ZNF721: variants seen among roughly 807,000 people sequenced by gnomAD.
ZNF721 encodes zinc finger protein 721.
In ZNF721, 2 loss-of-function variants were observed where a neutral mutation model predicts 2.4. The ratio of observed to expected loss-of-function variants is 0.82; its 90% CI spans 0.34 to 2.58. The LOEUF is 2.58. Ranked by LOEUF, ZNF721 falls within the 30% of genes most tolerant of loss-of-function variation. ZNF721 has a pLI of 0.11. For missense variants in ZNF721, 1,187 were observed against 1,085.5 expected, an observed-to-expected ratio of 1.09 and a Z score of -1.31; for synonymous variants, 398 against 381.8, an observed-to-expected ratio of 1.04 and a Z score of -0.50.
In ZNF721 at chr4:472,711, C is replaced by A. The variant is rs1715475833; in HGVS notation, c.-93-10G>T. 1.1e-5 allele frequency: 18 copies of A among 1,611,470 alleles called. No individual in the cohort carries two copies. The highest frequency in any genetic ancestry group is 1.5e-5 in the Non-Finnish European group (18 of 1,179,502). ...TGAATGTTAAGGGTTCCTGAAAATACATATGTATCAAGTGACAGAGTTCTT... is the reference window on the plus strand; with the variant it reads ...TGAATGTTAAGGGTTCCTGAAAATAAATATGTATCAAGTGACAGAGTTCTT... On this transcript the variant is annotated splice_polypyrimidine_tract_variant and intron_variant, in intron 1 of 2. Coordinates refer to ENST00000511833, the MANE Select transcript of ZNF721 (RefSeq NM_133474.4).
chr4:473,312 T>A (rs1553868039), intron 1 of ZNF721, among the ~76,000 whole-genome samples: 1 of 152,144 alleles, frequency 6.6e-6, no homozygotes, highest in Non-Finnish European at 1.5e-5. Flanking sequence ...GGACCCATTA[T>A]AGTACTACTC....
At chr4:464,614 G>C (rs573116401) in intron 2 of ZNF721, among the ~76,000 whole-genome samples, 4 of 152,158 alleles carry the variant, frequency 2.6e-5, no homozygotes, top group Admixed American at 2.6e-4. Flanking sequence ...GACATAAATA[G>C]TGTGTTGAAG....
At chr4:476,914 C>T (rs1353610240) in intron 1 of ZNF721, among the ~76,000 whole-genome samples, 2 of 152,212 alleles carry the variant, frequency 1.3e-5, no homozygotes, top group Non-Finnish European at 2.9e-5. Context: ...ATCTTATAAA[C>T]TAAGCCATCC....
intron 1 of ZNF721, chr4:474,083 G>C: frequency 1.5e-6 from 2 of 1,378,634 alleles, no homozygotes; most frequent in Non-Finnish European, 1.9e-6. Flanking sequence ...AATCACCGAG[G>C]CCTCCCTGAG....
At chr4:452,423 T>C (rs568079980) in intron 2 of ZNF721, among the ~76,000 whole-genome samples, 4 of 152,350 alleles carry the variant, frequency 2.6e-5, no homozygotes, top group African/African-American at 9.6e-5. Flanking sequence ...CAGAAATTTA[T>C]TGGCTTGTTT....
chr4:484,039 G>T (rs1192695601), intron 1 of ZNF721, among the ~76,000 whole-genome samples: 1 of 152,090 alleles, frequency 6.6e-6, no homozygotes, highest in Non-Finnish European at 1.5e-5. Context: ...GGGAAGTCAG[G>T]GGCCCCAAAT....
intron 2 of ZNF721, among the ~76,000 whole-genome samples, chr4:463,905 A>G (rs1715154023): frequency 6.6e-6 from 1 of 150,590 alleles, no homozygotes; most frequent in Non-Finnish European, 1.5e-5. Context: ...TTAGAGCATA[A>G]TAATAAAAAA....
chr4:492,188 CAAAA>C (rs147001254), intron 1 of ZNF721, among the ~76,000 whole-genome samples: 17 of 146,090 alleles, frequency 1.2e-4, no homozygotes, highest in African/African-American at 1.8e-4. Context: ...AACAAACAAA[CAAAA>C]AAAAAACCTT....
intron 2 of ZNF721, among the ~76,000 whole-genome samples, chr4:469,968 CGCCTCCCGGGTTCACGCCATTCTCCT>C (rs1277961187): frequency 1.3e-5 from 2 of 152,150 alleles, no homozygotes; most frequent in African/African-American, 4.8e-5. Context: ...TGCAAGCTCC[CGCCTCCCGGGTTCACGCCATTCTCCT>C]GCCTCAGCCT....
At chr4:495,742 A>G (rs1191498968) in intron 1 of ZNF721, among the ~76,000 whole-genome samples, 1 of 151,984 alleles carries the variant, frequency 6.6e-6, no homozygotes, top group Non-Finnish European at 1.5e-5. Flanking sequence ...AACTGGGATT[A>G]CAGGTGCCCG....
At position 444,158 on chromosome 4, in the gene ZNF721, ATGTCT is replaced by A. The variant is rs558445566; in HGVS notation, c.304_308del (p.Arg102TyrfsTer7). ...TACATTTAAAGTGTTTCTCTCCAGT[ATGTCT>A]TGTCTTATCTTTGTTTGAATTTGCA... On this transcript the variant is annotated frameshift_variant, in exon 3 of 3. Coordinates refer to ENST00000511833, the MANE Select transcript of ZNF721 (RefSeq NM_133474.4). LOFTEE classifies it low-confidence loss of function (END_TRUNC). 89 of 1,614,132 alleles carry A rather than the reference ATGTCT, an allele frequency of 5.5e-5. No homozygotes were observed. In the South Asian group the frequency reaches 6.9e-4, roughly 13 times the overall value.
intron 2 of ZNF721, among the ~76,000 whole-genome samples, chr4:468,111 C>CA (rs1197447471): frequency 2.0e-5 from 3 of 152,066 alleles, no homozygotes; most frequent in Non-Finnish European, 4.4e-5. Flanking sequence ...ATTAAAAATA[C>CA]AAAAAATTAG....
rs117060349 is a variant in ZNF721, at chr4:463,000, T to C, written c.34+9575A>G. ...AATGGGAGAAAATTTTTTTGCAATC[T>C]ACCCATCTGACAAAGGAATAATATC... is the stretch of plus-strand genomic sequence containing the variant. On this transcript the variant is annotated intron_variant, in intron 2 of 2. Transcript: ENST00000511833. Among the ~76,000 whole-genome samples the C allele has an allele frequency of 4.0e-4, 61 of 152,264 alleles. 1 individual carries two copies. The East Asian group carries it at 0.011, about 28-fold the overall frequency.
chr4:443,012 G>A lies in ZNF721; in HGVS notation c.1455C>T (p.Ser485=), dbSNP rs1714320833. The A allele has an allele frequency of 1.9e-6, 3 of 1,612,936 alleles. No individual in the cohort carries two copies. Among genetic ancestry groups the A allele is most frequent in the African/African-American group, 1.3e-5 (1 of 74,888 alleles). ...CKQCGKVITS[S]SSFAKHKRIH... ...TCCTCTTATGTTTAGCAAAGCTTGA[G>A]GATGAGGTAATGACTTTGCCACATT... is the stretch of plus-strand genomic sequence containing the variant. Residue 485 remains serine (S), a synonymous_variant, in exon 3 of 3, where the codon TCC becomes TCT. Transcript: ENST00000511833.
At chr4:458,466 A>G (rs1714912051) in intron 2 of ZNF721, among the ~76,000 whole-genome samples, 1 of 152,236 alleles carries the variant, frequency 6.6e-6, no homozygotes, top group African/African-American at 2.4e-5. Context: ...AAGGACATCA[A>G]AACAAGGCTT....
chr4:492,608 T>C (rs1315216834), intron 1 of ZNF721, among the ~76,000 whole-genome samples: 2 of 151,546 alleles, frequency 1.3e-5, no homozygotes, highest in East Asian at 1.9e-4. Flanking sequence ...TATAAAAGTT[T>C]TGGGTTTTTT....
chr4:464,456 G>C (rs1161919548), intron 2 of ZNF721, among the ~76,000 whole-genome samples: 2 of 127,270 alleles, frequency 1.6e-5, no homozygotes, highest in African/African-American at 6.2e-5. Context: ...GCTACAGAGC[G>C]AGACTCCACC....
chr4:443,094 A>C lies in ZNF721; in HGVS notation c.1373T>G (p.Leu458Trp). 1 of 1,613,676 alleles carries C rather than the reference A, an allele frequency of 6.2e-7. No homozygotes were observed. Among genetic ancestry groups the C allele is most frequent in the Non-Finnish European group, 8.5e-7 (1 of 1,179,776 alleles). ...KECGKAFIHS[L>W]HLNKHEKIHT... ...AATTTTCTCATGTTTATTCAGGTGC[A>C]AGGAATGTATAAAGGCTTTCCCACA... Residue 458 changes from leucine to tryptophan, a missense_variant, in exon 3 of 3, where the codon TTG becomes TGG. Transcript: ENST00000511833.
Position 499,086 on chromosome 4 carries a change from G to A in ZNF721, c.-124C>T. 1 of 535,802 alleles carries A rather than the reference G, an allele frequency of 1.9e-6. No individual in the cohort carries two copies. The highest frequency in any genetic ancestry group is 3.3e-6 in the Non-Finnish European group (1 of 307,648). The allele number at this position is 535,802 out of a possible 1,614,324, so 33.2% of individuals were successfully genotyped here. Reference sequence around the variant, plus strand: ...CGTGGGCGGCGACCGTCGCGGACTCGCCGGGAAGACGGCCCCACGGAGCCG... The same window carrying A: ...CGTGGGCGGCGACCGTCGCGGACTCACCGGGAAGACGGCCCCACGGAGCCG... On this transcript the variant is annotated 5_prime_UTR_variant, in exon 1 of 3. Coordinates refer to ENST00000511833, the MANE Select transcript of ZNF721 (RefSeq NM_133474.4).
Sources: gnomAD v4.1 joint callset for allele counts (sites outside exome capture counted in the v4.1 genomes callset) on GRCh38, gnomAD v4.1.1 for gene constraint, MANE v1.5 for transcripts, NCBI Gene and HGNC (gene_info 2026-07-23, HGNC 2026-07-21) for gene names.